SFI1: variants seen among roughly 807,000 people sequenced by gnomAD.
SFI1 encodes the protein SFI1 centrin binding protein.
In SFI1, 195 loss-of-function variants were observed where a neutral mutation model predicts 207.5. The observed-to-expected ratio is 0.94, with a 90% CI of 0.84 to 1.06. The LOEUF is 1.06. Ranked by LOEUF, SFI1 falls within the 50% of genes least tolerant of loss-of-function variation. The probability of loss-of-function intolerance (pLI) is 0.00; values close to 1 mark genes in which losing one functional copy is unlikely to be tolerated. For synonymous variants in SFI1, 630 were observed against 598.9 expected, an observed-to-expected ratio of 1.05 and a Z score of -0.76; for missense variants, 1,634 against 1,588.0, an observed-to-expected ratio of 1.03 and a Z score of -0.49.
In SFI1 at chr22:31,577,061, C is replaced by T. The variant is rs2063601395; in HGVS notation, c.1085-1321C>T. Among the ~76,000 whole-genome samples the T allele has an allele frequency of 2.0e-5, 3 of 152,212 alleles. No homozygotes were observed. In the South Asian group the frequency reaches 6.2e-4, roughly 32 times the overall value. On this transcript the variant is annotated intron_variant, in intron 10 of 32. Coordinates refer to ENST00000400288, the MANE Select transcript of SFI1 (RefSeq NM_001007467.3). The stretch of plus-strand genomic sequence containing the variant: ...TCAAAGTCTTGCTTTGTATAAACTC[C>T]TGCTTAAATTCTGGGATATGAGGAA...
chr22:31,563,730 C>T (rs1400674803), intron 8 of SFI1, among the ~76,000 whole-genome samples: 1 of 152,056 alleles, frequency 6.6e-6, no homozygotes, highest in Non-Finnish European at 1.5e-5. Context: ...GGATTACAGG[C>T]ACGCGCCACC....
At chr22:31,553,526 T>C (rs2060817525) in intron 6 of SFI1, among the ~76,000 whole-genome samples, 1 of 142,240 alleles carries the variant, frequency 7.0e-6, no homozygotes, top group Admixed American at 7.4e-5. Flanking sequence ...AGCTAATTTT[T>C]GTATTTTTTT....
chr22:31,567,242 C>T (rs1200453500), intron 8 of SFI1, among the ~76,000 whole-genome samples: 1 of 152,152 alleles, frequency 6.6e-6, no homozygotes, highest in African/African-American at 2.4e-5. Context: ...TACTGACTGA[C>T]AGCTTATTAG....
chr22:31,530,489 C>CA (rs3069094), intron 3 of SFI1: 4,766 of 113,218 alleles, frequency 0.042, 258 homozygotes, highest in South Asian at 0.062. Flanking sequence ...AACTCTGTCT[C>CA]AAAAAAAAAA....
chr22:31,516,074 G>GT (rs1208567758), intron 2 of SFI1, among the ~76,000 whole-genome samples: 4 of 151,506 alleles, frequency 2.6e-5, no homozygotes, highest in African/African-American at 7.3e-5. Context: ...TCTTATTCCT[G>GT]TTTTTCTCAT....
At chr22:31,589,417 G>A in intron 14 of SFI1, 30 bp from the exon 15 acceptor site, 1 of 1,562,586 alleles carries the variant, frequency 6.4e-7, no homozygotes, top group Non-Finnish European at 8.6e-7. Context: ...AAAAAGTTAA[G>A]TACAAAGGTT....
chr22:31,592,962 G>C (rs1318955186), intron 15 of SFI1, among the ~76,000 whole-genome samples: 3 of 120,314 alleles, frequency 2.5e-5, no homozygotes, highest in Non-Finnish European at 5.2e-5. Context: ...CCTCCCGGAC[G>C]GGGCGGCTGG....
At position 31,603,801 on chromosome 22, in the gene SFI1, C is replaced by G. The variant is rs774078358; in HGVS notation, c.1863C>G (p.Ala621=). 1.3e-6 allele frequency: 2 copies of G among 1,568,578 alleles called. No homozygotes were observed. The highest frequency in any genetic ancestry group is 1.7e-6 in the Non-Finnish European group (2 of 1,166,616). ...EFHMAQLLRW[A]WSQWRECLAL... is the part of the protein sequence containing the mutation. ...ACATGGCCCAGCTCCTGCGTTGGGC[C>G]TGGAGCCAGTGGAGGGAGGTAAGGC... is the stretch of plus-strand genomic sequence containing the variant. Residue 621 remains alanine, a synonymous_variant, in exon 18 of 33, where the codon GCC becomes GCG. Coordinates refer to ENST00000400288, the MANE Select transcript of SFI1 (RefSeq NM_001007467.3).
intron 29 of SFI1, chr22:31,615,522 C>G (rs969674657): frequency 4.9e-6 from 2 of 406,652 alleles, no homozygotes; most frequent in African/African-American, 4.1e-5. Context: ...AAGAAAAACC[C>G]CTGCCTGCAG....
At chr22:31,534,145 G>C (rs1371570378) in intron 4 of SFI1, among the ~76,000 whole-genome samples, 10 of 151,952 alleles carry the variant, frequency 6.6e-5, no homozygotes, top group Admixed American at 6.6e-4. Flanking sequence ...TTGAGACAGA[G>C]TCTCGCTCTG....
At chr22:31,498,140 A>C (rs2053060118) in intron 1 of SFI1, among the ~76,000 whole-genome samples, 1 of 152,166 alleles carries the variant, frequency 6.6e-6, no homozygotes, top group African/African-American at 2.4e-5. Context: ...TAAAAAATAC[A>C]AAATATTAGC....
At chr22:31,514,775 C>CTT (rs1219405122) in intron 2 of SFI1, among the ~76,000 whole-genome samples, 9 of 141,108 alleles carry the variant, frequency 6.4e-5, no homozygotes, top group East Asian at 6.1e-4. Context: ...GAATTTCTTC[C>CTT]TTTTTTTTTT....
At chr22:31,604,168 C>T (rs1034077025) in intron 18 of SFI1, 141 bp from the exon 19 acceptor site, 3 of 667,392 alleles carry the variant, frequency 4.5e-6, no homozygotes, top group African/African-American at 3.6e-5. Context: ...TCACAGAACC[C>T]CTAAGAAGCA....
upstream of SFI1, chr22:31,496,294 G>A (rs911944001): frequency 2.6e-5 from 4 of 152,288 alleles, no homozygotes; most frequent in African/African-American, 9.6e-5. Flanking sequence ...AGCTCAGAGC[G>A]AAGCTGGCGA....
chr22:31,531,502 G>T (rs2058521026), intron 4 of SFI1, among the ~76,000 whole-genome samples: 1 of 152,240 alleles, frequency 6.6e-6, no homozygotes, highest in Non-Finnish European at 1.5e-5. Context: ...GCTCACGCCT[G>T]TAAACCCAGC....
chr22:31,521,034 T>A (rs1192951356), intron 2 of SFI1, among the ~76,000 whole-genome samples: 3 of 147,960 alleles, frequency 2.0e-5, no homozygotes, highest in African/African-American at 7.5e-5. Context: ...AAAGTAGAGT[T>A]CAAGACCAGC....
intron 4 of SFI1, among the ~76,000 whole-genome samples, chr22:31,537,920 C>A (rs2059140258): frequency 6.6e-6 from 1 of 152,164 alleles, no homozygotes. Context: ...ATACCACAAA[C>A]TACAGAATAA....
intron 14 of SFI1, among the ~76,000 whole-genome samples, chr22:31,586,107 G>A (rs534324825): frequency 6.6e-5 from 10 of 152,150 alleles, no homozygotes; most frequent in African/African-American, 2.4e-4. Context: ...TTACCACTCT[G>A]TTCCTTCACA....
chr22:31,547,657 T>C (rs2060220594), intron 5 of SFI1, among the ~76,000 whole-genome samples: 1 of 149,970 alleles, frequency 6.7e-6, no homozygotes, highest in Non-Finnish European at 1.5e-5. Context: ...TTCGCTCTTG[T>C]TGCCCAGGCT....
Sources: allele counts gnomAD v4.1 joint callset (sites outside exome capture counted in the v4.1 genomes callset), GRCh38; gene constraint gnomAD v4.1.1; transcripts MANE v1.5; gene names NCBI Gene and HGNC (gene_info 2026-07-23, HGNC 2026-07-21).